Variants in XIRP2 observed in about 807,000 individuals in gnomAD.
XIRP2 encodes xin actin binding repeat containing 2, also known as xin actin-binding repeat-containing protein 2.
In XIRP2, 236 loss-of-function variants were observed where a neutral mutation model predicts 277.0. That is an observed-to-expected ratio of 0.85 (90% confidence interval 0.77 to 0.95). The LOEUF is 0.95. XIRP2 is among the 40% of genes least tolerant of loss of function. XIRP2 has a pLI of 0.00. For missense variants in XIRP2, 4,640 were observed against 4,157.5 expected, an observed-to-expected ratio of 1.12 and a Z score of -3.19; for synonymous variants, 1,490 against 1,416.5, an observed-to-expected ratio of 1.05 and a Z score of -1.17.
intron 2 of XIRP2, among the ~76,000 whole-genome samples, chr2:167,076,005 G>A (rs1689560601): frequency 6.6e-6 from 1 of 151,978 alleles, no homozygotes; most frequent in Non-Finnish European, 1.5e-5. Flanking sequence ...GAACTAATGA[G>A]CACTCAGTTT....
chr2:166,927,199 G>T (rs778979474), intron 2 of XIRP2, among the ~76,000 whole-genome samples: 4 of 152,020 alleles, frequency 2.6e-5, no homozygotes, highest in Non-Finnish European at 5.9e-5. Context: ...AAAATACCAG[G>T]GAAAGACAAT....
intron 2 of XIRP2, among the ~76,000 whole-genome samples, chr2:167,110,698 A>G (rs1690727510): frequency 6.6e-6 from 1 of 151,994 alleles, no homozygotes; most frequent in Admixed American, 6.6e-5. Flanking sequence ...GCTTTTCATG[A>G]TTCTGTGAAG....
At chr2:167,048,244 T>C (rs61596197) in intron 2 of XIRP2, among the ~76,000 whole-genome samples, 1,686 of 152,102 alleles carry the variant, frequency 0.011, 33 homozygotes, top group African/African-American at 0.038. Context: ...GATTGTTTTA[T>C]ACTGATCTAT....
chr2:167,202,523 T>C (rs1010786996), intron 3 of XIRP2, among the ~76,000 whole-genome samples: 1 of 152,198 alleles, frequency 6.6e-6, no homozygotes, highest in African/African-American at 2.4e-5. Flanking sequence ...CTTAGAGTCT[T>C]ATCAGGTAGG....
intron 2 of XIRP2, among the ~76,000 whole-genome samples, chr2:167,043,911 TATCCTCACTCTC>T (rs1688726687): frequency 6.6e-6 from 1 of 151,828 alleles, no homozygotes; most frequent in Non-Finnish European, 1.5e-5. Flanking sequence ...ATAACAAAAT[TATCCTCACTCTC>T]TGATGCTATC....
chr2:166,891,901 G>C (rs192648241), intron 1 of XIRP2, among the ~76,000 whole-genome samples: 35 of 152,254 alleles, frequency 2.3e-4, no homozygotes, highest in Admixed American at 2.0e-3. Context: ...CAAGACTGAG[G>C]ATTTCCTTGG....
In XIRP2 at chr2:167,245,474, C is replaced by T. The variant is rs139379772; in HGVS notation, c.4082C>T (p.Ser1361Phe). Residue 1361 changes from serine to phenylalanine, a missense_variant, in exon 9 of 11, where the codon TCT (serine) becomes TTT (phenylalanine). Ser to Phe is a radical substitution (Grantham distance 155, BLOSUM62 -2). Coordinates refer to ENST00000409195, the MANE Select transcript of XIRP2 (RefSeq NM_152381.6). ...RWLFETKPLD[S>F]INKSETVYVI... ...CTTTTTGAAACAAAGCCATTAGACT[C>T]TATTAATAAATCAGAAACTGTGTAT... 149 of 1,613,504 alleles carry T rather than the reference C, an allele frequency of 9.2e-5. 1 individual carries two copies. In the African/African-American group the frequency reaches 1.8e-3, roughly 20 times the overall value.
At chr2:166,898,569 A>T (rs1352143267) in intron 1 of XIRP2, among the ~76,000 whole-genome samples, 1 of 152,180 alleles carries the variant, frequency 6.6e-6, no homozygotes, top group Admixed American at 6.6e-5. Context: ...TGTATGATTT[A>T]TCTAGTTTCC....
At chr2:167,153,445 A>G (rs1425070178) in intron 3 of XIRP2, among the ~76,000 whole-genome samples, 3 of 151,838 alleles carry the variant, frequency 2.0e-5, no homozygotes, top group Non-Finnish European at 4.4e-5. Context: ...TTTAGGGTAC[A>G]TGTGCACAAT....
intron 2 of XIRP2, among the ~76,000 whole-genome samples, chr2:167,044,591 A>G (rs191982272): frequency 4.3e-4 from 66 of 152,272 alleles, no homozygotes; most frequent in African/African-American, 1.5e-3. Flanking sequence ...TACAAAATCA[A>G]TGTACAAAAA....
intron 2 of XIRP2, among the ~76,000 whole-genome samples, chr2:167,022,138 T>C (rs965779512): frequency 6.6e-6 from 1 of 152,112 alleles, no homozygotes; most frequent in Non-Finnish European, 1.5e-5. Context: ...ATATCTCCTT[T>C]TTTTCCTCCT....
intron 3 of XIRP2, among the ~76,000 whole-genome samples, chr2:167,177,136 A>G (rs73025714): frequency 0.11 from 16,474 of 152,224 alleles, 1,885 homozygotes; most frequent in African/African-American, 0.29. Context: ...TCTACTTTTA[A>G]GAATAATTAA....
intron 2 of XIRP2, among the ~76,000 whole-genome samples, chr2:166,917,737 G>T (rs1684927945): frequency 6.6e-6 from 1 of 152,128 alleles, no homozygotes; most frequent in Admixed American, 6.6e-5. Flanking sequence ...TTACTCAGTA[G>T]ACTAGTGAGG....
At chr2:166,943,601 G>A (rs1685778662) in intron 2 of XIRP2, among the ~76,000 whole-genome samples, 1 of 152,196 alleles carries the variant, frequency 6.6e-6, no homozygotes, top group Non-Finnish European at 1.5e-5. Flanking sequence ...CCTCTGCAGA[G>A]GGGCATGGGA....
At chr2:166,898,925 C>T (rs374498320) in intron 1 of XIRP2, among the ~76,000 whole-genome samples, 3 of 152,124 alleles carry the variant, frequency 2.0e-5, no homozygotes, top group African/African-American at 7.2e-5. Flanking sequence ...AGCACCCTTA[C>T]ATGGATAGCT....
intron 4 of XIRP2, among the ~76,000 whole-genome samples, chr2:167,213,590 AC>A (rs1342536158): frequency 6.6e-6 from 1 of 151,940 alleles, no homozygotes; most frequent in Non-Finnish European, 1.5e-5. Context: ...ATAATAATAA[AC>A]ATAAAAAGTT....
intron 2 of XIRP2, among the ~76,000 whole-genome samples, chr2:167,024,854 G>T (rs1031904630): frequency 6.6e-6 from 1 of 152,142 alleles, no homozygotes; most frequent in South Asian, 2.1e-4. Flanking sequence ...GATTTGGTTT[G>T]CCAGTATTTT....
intron 2 of XIRP2, among the ~76,000 whole-genome samples, chr2:167,015,621 C>G (rs1006974859): frequency 2.6e-5 from 4 of 151,788 alleles, no homozygotes; most frequent in African/African-American, 9.7e-5. Flanking sequence ...ACTCTTTAAG[C>G]ACTAATTTAT....
chr2:167,092,385 T>G (rs570891991), intron 2 of XIRP2, among the ~76,000 whole-genome samples: 1 of 152,232 alleles, frequency 6.6e-6, no homozygotes, highest in East Asian at 1.9e-4. Context: ...ACCAATGAAC[T>G]TCTATGTCTC....
Sources: allele counts gnomAD v4.1 joint callset (sites outside exome capture counted in the v4.1 genomes callset), GRCh38; gene constraint gnomAD v4.1.1; transcripts MANE v1.5; gene names NCBI Gene and HGNC (gene_info 2026-07-23, HGNC 2026-07-21).